The following SEMA4D variants were observed in gnomAD, a reference collection of about 807,000 sequenced individuals.
SEMA4D encodes semaphorin 4D.
In SEMA4D, 22 loss-of-function variants were observed where a neutral mutation model predicts 74.8. The ratio of observed to expected loss-of-function variants is 0.29; its 90% CI spans 0.21 to 0.42. The LOEUF (loss-of-function observed/expected upper bound fraction) is 0.42. SEMA4D is among the 10% of genes least tolerant of loss of function. The probability of loss-of-function intolerance (pLI) is 1.00; values close to 1 mark genes in which losing one functional copy is unlikely to be tolerated. For missense variants in SEMA4D, 937 were observed against 1,118.4 expected, an observed-to-expected ratio of 0.84 and a Z score of 2.31; for synonymous variants, 445 against 463.7, an observed-to-expected ratio of 0.96 and a Z score of 0.52.
At chr9:89,493,756 T>C (rs968544923) in intron 1 of SEMA4D, among the ~76,000 whole-genome samples, 12 of 152,242 alleles carry the variant, frequency 7.9e-5, no homozygotes, top group Non-Finnish European at 1.3e-4. Context: ...GTTTTTGCTA[T>C]AGCTTTAGGT....
intron 1 of SEMA4D, among the ~76,000 whole-genome samples, chr9:89,496,971 C>T (rs530080379): frequency 6.6e-6 from 1 of 152,334 alleles, no homozygotes; most frequent in South Asian, 2.1e-4. Flanking sequence ...CTGGGATGTG[C>T]TCAACACAGA....
chr9:89,362,346 G>A, exon 19 of SEMA4D: 1 of 1,614,048 alleles, frequency 6.2e-7, no homozygotes, highest in South Asian at 1.1e-5. Context: ...GCTGTGGTCA[G>A]TGGCAGCAGG....
chr9:89,363,418 G>C (rs746763918), intron 18 of SEMA4D: 1 of 1,610,846 alleles, frequency 6.2e-7, no homozygotes, highest in Non-Finnish European at 8.5e-7. Context: ...TTGCCCGGCT[G>C]CGGCCACTTA....
At chr9:89,430,406 C>T (rs1849020704) in intron 2 of SEMA4D, among the ~76,000 whole-genome samples, 1 of 152,164 alleles carries the variant, frequency 6.6e-6, no homozygotes, top group African/African-American at 2.4e-5. Flanking sequence ...GACTGCCTCT[C>T]TAGGGGTGGC....
At chr9:89,425,154 C>T (rs776082313) in intron 2 of SEMA4D, among the ~76,000 whole-genome samples, 2 of 152,164 alleles carry the variant, frequency 1.3e-5, no homozygotes, top group South Asian at 2.1e-4. Context: ...CAGCCAGGAC[C>T]GAGAACTGGC....
At chr9:89,409,390 A>G (rs1047313403) in intron 2 of SEMA4D, among the ~76,000 whole-genome samples, 1 of 152,066 alleles carries the variant, frequency 6.6e-6, no homozygotes, top group Non-Finnish European at 1.5e-5. Context: ...TGGCAATCCT[A>G]ATGTCCAGAT....
At chr9:89,422,793 A>G (rs1847258154) in intron 2 of SEMA4D, among the ~76,000 whole-genome samples, 1 of 152,208 alleles carries the variant, frequency 6.6e-6, no homozygotes, top group Non-Finnish European at 1.5e-5. Flanking sequence ...CACAGAGGGC[A>G]CTGGGAGATG....
At chr9:89,475,643 C>A (rs1861558032) in intron 1 of SEMA4D, among the ~76,000 whole-genome samples, 3 of 152,334 alleles carry the variant, frequency 2.0e-5, no homozygotes, top group Middle Eastern at 6.8e-3. Flanking sequence ...AGCTCCCATC[C>A]AGTCCAGACC....
At chr9:89,474,805 T>C (rs1346585493) in intron 1 of SEMA4D, among the ~76,000 whole-genome samples, 1 of 152,136 alleles carries the variant, frequency 6.6e-6, no homozygotes, top group African/African-American at 2.4e-5. Context: ...AGCCTTTCCG[T>C]AGAGAAAGGC....
In SEMA4D at chr9:89,396,717, GA is replaced by G; in HGVS notation, c.414+19del. On this transcript the variant is annotated intron_variant, in intron 6 of 15. Coordinates refer to ENST00000422704, the MANE Select transcript of SEMA4D (RefSeq NM_001371194.2). The stretch of plus-strand genomic sequence containing the variant: ...CTGACCAGGCTGGCGTGAGCACAGG[GA>G]GGTGCCCATCAGCCTTACCAGGTGG... The G allele has an allele frequency of 6.3e-7, 1 of 1,599,644 alleles. No individual in the cohort carries two copies. Among genetic ancestry groups the G allele is most frequent in the Non-Finnish European group, 8.6e-7 (1 of 1,168,872 alleles).
chr9:89,371,704 ATGTGTCTGGGG>A (rs1834883278), intron 16 of SEMA4D, among the ~76,000 whole-genome samples: 1 of 12,248 alleles, frequency 8.2e-5, no homozygotes, highest in Non-Finnish European at 1.5e-4. Context: ...TGTGTGTGGG[ATGTGTCTGGGG>A]TGTGGTGTGT....
At position 89,492,257 on chromosome 9, in the gene SEMA4D, T is replaced by C. The variant is rs971095392; in HGVS notation, c.-310+5662A>G. On this transcript the variant is annotated intron_variant, in intron 1 of 15. Coordinates refer to ENST00000422704, the MANE Select transcript of SEMA4D (RefSeq NM_001371194.2). This position sits in a 1 kb window ranked among gnomAD's most constrained non-coding sequence, Gnocchi z 4.3. The stretch of plus-strand genomic sequence containing the variant: ...GTGACCTCCGCTGTCACCCTCCCTC[T>C]CATGCAAGCTGCATGTGGCCTCCAG... Among the ~76,000 whole-genome samples, 4 of 152,092 alleles carry C rather than the reference T, an allele frequency of 2.6e-5. No homozygotes were observed. Among genetic ancestry groups the C allele is most frequent in the African/African-American group, 9.7e-5 (4 of 41,394 alleles).
intron 16 of SEMA4D, among the ~76,000 whole-genome samples, chr9:89,366,261 G>A (rs562150758): frequency 1.3e-5 from 2 of 152,340 alleles, no homozygotes; most frequent in East Asian, 3.9e-4. Flanking sequence ...GATGCTGGTG[G>A]TAACTACCTC....
chr9:89,452,369 G>A (rs555713277), intron 2 of SEMA4D, among the ~76,000 whole-genome samples: 5 of 151,896 alleles, frequency 3.3e-5, no homozygotes, highest in Admixed American at 2.6e-4. Context: ...TAGTAGAGAC[G>A]AGGTTTCACC....
At chr9:89,425,028 C>T (rs1252740178) in intron 2 of SEMA4D, among the ~76,000 whole-genome samples, 1 of 152,206 alleles carries the variant, frequency 6.6e-6, no homozygotes, top group Non-Finnish European at 1.5e-5. Context: ...TCCCCTCTTT[C>T]TGTGGAACAC....
chr9:89,480,254 T>G (rs1460108284), intron 1 of SEMA4D, among the ~76,000 whole-genome samples: 2 of 152,030 alleles, frequency 1.3e-5, no homozygotes, highest in African/African-American at 4.8e-5. Flanking sequence ...CTCACAAACC[T>G]TGAGCTAAAC....
intron 2 of SEMA4D, among the ~76,000 whole-genome samples, chr9:89,442,803 C>T (rs1851954537): frequency 6.6e-6 from 1 of 152,208 alleles, no homozygotes; most frequent in Non-Finnish European, 1.5e-5. Context: ...CCATCCTTCT[C>T]ACCATTTCCC....
At chr9:89,486,642 A>T (rs1382226851) in intron 1 of SEMA4D, among the ~76,000 whole-genome samples, 2 of 152,354 alleles carry the variant, frequency 1.3e-5, no homozygotes, top group Non-Finnish European at 2.9e-5. Context: ...ACAGTGGCTC[A>T]CACCTGTAAG....
intron 16 of SEMA4D, chr9:89,364,179 AT>A: frequency 1.2e-6 from 1 of 827,936 alleles, no homozygotes; most frequent in Non-Finnish European, 1.8e-6. Context: ...CTTAATTGCC[AT>A]TTTTCAAAGC....
Sources: gnomAD v4.1 joint callset for allele counts (sites outside exome capture counted in the v4.1 genomes callset) on GRCh38, gnomAD v4.1.1 for gene constraint, Gnocchi (gnomAD v3.1) non-coding constraint, MANE v1.5 for transcripts, NCBI Gene and HGNC (gene_info 2026-07-23, HGNC 2026-07-21) for gene names.